The following ZNF521 variants were observed in gnomAD, a reference collection of about 807,000 sequenced individuals.
ZNF521 encodes zinc finger protein 521, also known as LYST-interacting protein 3.
ZNF521 carries 14 observed loss-of-function variants against 105.5 expected under a neutral mutation model. That is an observed-to-expected ratio of 0.13 (90% CI 0.09 to 0.21). The LOEUF (loss-of-function observed/expected upper bound fraction) is 0.21. Among genes scored for constraint, ZNF521 ranks in the 10% least tolerant of loss-of-function variants. The pLI is 1.00. For missense variants in ZNF521, 1,233 were observed against 1,629.7 expected (o/e 0.76, Z 4.19); for synonymous variants, 635 against 606.0 (o/e 1.05, Z -0.70).
At chr18:25,148,241 G>A (rs1324304410) in intron 5 of ZNF521, among the ~76,000 whole-genome samples, 1 of 152,166 alleles carries the variant, frequency 6.6e-6, no homozygotes, top group Non-Finnish European at 1.5e-5. Context: ...TGAATGTGAA[G>A]CATAAATGGA....
In ZNF521 at chr18:25,225,901, A is replaced by G; in HGVS notation, c.2017T>C (p.Phe673Leu). 1 of 1,614,182 alleles carries G rather than the reference A, an allele frequency of 6.2e-7. No individual in the cohort carries two copies. The highest frequency in any genetic ancestry group is 8.5e-7 in the Non-Finnish European group (1 of 1,180,030). The change falls in exon 4 of 8, where the codon TTC becomes CTC. Residue 673 changes from phenylalanine (F) to leucine (L), a missense_variant. This residue lies in a region of ZNF521 where 614 missense variants were observed against 751.5 expected (regional missense o/e 0.82). Coordinates refer to ENST00000361524, the MANE Select transcript of ZNF521 (RefSeq NM_015461.3). The surrounding 1 kb of genome is among the most constrained non-coding windows in gnomAD (Gnocchi z 5.6). ...TTCAGCAAGGATTCTTGGTTGGGGA[A>G]TTCCTTGTTGCACTGAGGACAGGTC... ...KLTCPQCNKE[F>L]PNQESLLKHV...
chr18:25,144,771 AT>A (rs2034911879), intron 5 of ZNF521, among the ~76,000 whole-genome samples: 1 of 152,230 alleles, frequency 6.6e-6, no homozygotes, highest in African/African-American at 2.4e-5. Context: ...ACATCTTCAC[AT>A]TTTTAAAGTT....
intron 3 of ZNF521, among the ~76,000 whole-genome samples, chr18:25,266,082 G>A (rs906745452): frequency 6.6e-6 from 1 of 152,106 alleles, no homozygotes; most frequent in Non-Finnish European, 1.5e-5. Context: ...ATGGTTAATA[G>A]GTACAAAACA....
chr18:25,071,340 T>C (rs937556983), intron 7 of ZNF521, among the ~76,000 whole-genome samples: 3 of 152,226 alleles, frequency 2.0e-5, no homozygotes, highest in Non-Finnish European at 4.4e-5. Flanking sequence ...GAAGTGTTCA[T>C]TCTTTTAGTG....
At chr18:25,112,440 C>T (rs2034210518) in intron 5 of ZNF521, among the ~76,000 whole-genome samples, 1 of 152,042 alleles carries the variant, frequency 6.6e-6, no homozygotes, top group African/African-American at 2.4e-5. Flanking sequence ...TAAGTGCTGA[C>T]TCTGAGCTCA....
intron 5 of ZNF521, among the ~76,000 whole-genome samples, chr18:25,101,905 G>A (rs1437434695): frequency 3.9e-5 from 6 of 152,072 alleles, no homozygotes; most frequent in African/African-American, 1.4e-4. Flanking sequence ...AGCCAACTAC[G>A]TTACCACTAT....
intron 7 of ZNF521, among the ~76,000 whole-genome samples, chr18:25,083,984 A>T (rs1420687287): frequency 8.6e-6 from 1 of 116,168 alleles, no homozygotes; most frequent in East Asian, 2.7e-4. Flanking sequence ...GGCTTTCACC[A>T]TGTTGTCCAG....
intron 4 of ZNF521, among the ~76,000 whole-genome samples, chr18:25,206,600 A>G (rs1435885148): frequency 6.6e-6 from 1 of 151,184 alleles, no homozygotes; most frequent in East Asian, 1.9e-4. Context: ...TATGTGCCCA[A>G]ATTACCTTTG....
intron 3 of ZNF521, among the ~76,000 whole-genome samples, chr18:25,308,654 C>G (rs976307073): frequency 2.1e-5 from 3 of 142,934 alleles, no homozygotes; most frequent in Non-Finnish European, 3.1e-5. Context: ...TGACATCCCC[C>G]CCCCCCCACC....
chr18:25,087,107 T>C (rs957012318), intron 7 of ZNF521, among the ~76,000 whole-genome samples: 18 of 152,350 alleles, frequency 1.2e-4, no homozygotes, highest in African/African-American at 4.3e-4. Context: ...TTGTATTTAA[T>C]AGATTTCTCA....
At chr18:25,109,481 T>A (rs2034141328) in intron 5 of ZNF521, among the ~76,000 whole-genome samples, 2 of 152,228 alleles carry the variant, frequency 1.3e-5, no homozygotes. Flanking sequence ...GTGGGATTGC[T>A]GGGTGGAATG....
At chr18:25,150,348 T>C (rs1319081160) in intron 5 of ZNF521, among the ~76,000 whole-genome samples, 19 of 152,170 alleles carry the variant, frequency 1.2e-4, no homozygotes, top group Non-Finnish European at 1.5e-5. Context: ...GCTTCGGTGA[T>C]GGGTGCACCC....
chr18:25,173,209 C>T (rs1026291243), intron 5 of ZNF521, among the ~76,000 whole-genome samples: 17 of 152,098 alleles, frequency 1.1e-4, no homozygotes, highest in African/African-American at 4.1e-4. Context: ...AGGCCCAGGG[C>T]TAGTGGGCCT....
chr18:25,260,854 C>T (rs1013610107), intron 3 of ZNF521, among the ~76,000 whole-genome samples: 5 of 152,110 alleles, frequency 3.3e-5, no homozygotes, highest in African/African-American at 7.2e-5. Context: ...CCATAAGGAA[C>T]ACAAGAAGGA....
intron 5 of ZNF521, among the ~76,000 whole-genome samples, chr18:25,144,763 A>T (rs1021204199): frequency 6.6e-6 from 1 of 152,238 alleles, no homozygotes; most frequent in South Asian, 2.1e-4. Context: ...AAATGAAAAC[A>T]TCTTCACATT....
At chr18:25,241,652 C>T (rs1410421939) in intron 3 of ZNF521, among the ~76,000 whole-genome samples, 2 of 152,086 alleles carry the variant, frequency 1.3e-5, no homozygotes, top group Middle Eastern at 3.4e-3. Context: ...CTTAACAAAA[C>T]GTAAGTCAAG....
At chr18:25,290,414 A>C (rs1910944177) in intron 3 of ZNF521, among the ~76,000 whole-genome samples, 1 of 152,124 alleles carries the variant, frequency 6.6e-6, no homozygotes, top group African/African-American at 2.4e-5. Flanking sequence ...AATCATTCCA[A>C]GCACTAACAC....
At position 25,342,633 on chromosome 18, in the gene ZNF521, T is replaced by G. The variant is rs533214279; in HGVS notation, c.40+8274A>C. ...TTAGTAGAGACGGGGTTTCACCGTGTTAGCCAGGATGGTCTCGATCTCCTG... is the reference window on the plus strand; with the variant it reads ...TTAGTAGAGACGGGGTTTCACCGTGGTAGCCAGGATGGTCTCGATCTCCTG... On this transcript the variant is annotated intron_variant, in intron 2 of 7. Transcript: ENST00000361524. Among the ~76,000 whole-genome samples, 27 of 151,582 alleles carry G rather than the reference T, an allele frequency of 1.8e-4. 1 individual carries two copies. The highest frequency in any genetic ancestry group is 1.4e-3 in the Admixed American group (21 of 15,174).
At chr18:25,159,092 G>A (rs963088115) in intron 5 of ZNF521, among the ~76,000 whole-genome samples, 6 of 152,144 alleles carry the variant, frequency 3.9e-5, no homozygotes, top group Non-Finnish European at 8.8e-5. Context: ...GCCCATCAGA[G>A]TGATTTGCCC....
Sources: allele counts gnomAD v4.1 joint callset (sites outside exome capture counted in the v4.1 genomes callset), GRCh38; gene constraint gnomAD v4.1.1; regional missense constraint gnomAD v4.1.1; non-coding constraint Gnocchi (gnomAD v3.1); transcripts MANE v1.5; gene names NCBI Gene and HGNC (gene_info 2026-07-23, HGNC 2026-07-21).